Variants in HECW2 observed in about 807,000 individuals in gnomAD.
HECW2 encodes the protein HECT, C2 and WW domain containing E3 ubiquitin protein ligase 2.
HECW2 carries 61 observed loss-of-function variants against 175.2 expected under a neutral mutation model. The ratio of observed to expected loss-of-function variants is 0.35; its 90% CI spans 0.28 to 0.43. HECW2 has a LOEUF of 0.43. Among genes scored for constraint, HECW2 ranks in the 20% least tolerant of loss-of-function variants. The pLI is 1.00. For synonymous variants in HECW2, 671 were observed against 731.0 expected (o/e 0.92, Z 1.32); for missense variants, 1,524 against 2,000.5 (o/e 0.76, Z 4.54).
intron 1 of HECW2, among the ~76,000 whole-genome samples, chr2:196,516,876 C>A (rs1286945348): frequency 6.6e-6 from 1 of 152,196 alleles, no homozygotes; most frequent in African/African-American, 2.4e-5. Context: ...ATATCCCATT[C>A]CTCACAAGCT....
intron 1 of HECW2, among the ~76,000 whole-genome samples, chr2:196,473,059 T>C (rs961497886): frequency 3.3e-5 from 5 of 152,350 alleles, no homozygotes; most frequent in South Asian, 2.1e-4. Context: ...ACTCCCATAA[T>C]AGATAACTGA....
rs1015927154 is a variant in HECW2, at chr2:196,343,062, G to A, written c.400+595C>T. ...GTAATATTTGCATATATATGTAAAT[G>A]TGTATGTTTGTGTGTGTGTGTGTGT... On this transcript the variant is annotated intron_variant, in intron 3 of 28. Coordinates refer to ENST00000644978, the MANE Select transcript of HECW2 (RefSeq NM_001348768.2). 3.6e-5 allele frequency among the ~76,000 whole-genome samples: 5 copies of A among 138,996 alleles called. No homozygotes were observed. In the East Asian group the frequency reaches 7.8e-4, roughly 22 times the overall value. The allele number at this position is 138,996 out of a possible 152,430, so 91.2% of individuals were successfully genotyped here.
chr2:196,394,409 T>C (rs1049680524), intron 2 of HECW2, among the ~76,000 whole-genome samples: 4 of 152,344 alleles, frequency 2.6e-5, no homozygotes, highest in East Asian at 1.9e-4. Context: ...AGGTATAAGA[T>C]AGACCAATTA....
At chr2:196,292,506 C>A in intron 14 of HECW2, 59 bp downstream of exon 14, 1 of 1,476,502 alleles carries the variant, frequency 6.8e-7, no homozygotes, top group South Asian at 1.2e-5. Flanking sequence ...GGCCAAGTGT[C>A]GAAGCCACAA....
At chr2:196,223,393 A>C (rs961645298) in intron 23 of HECW2, among the ~76,000 whole-genome samples, 3 of 152,198 alleles carry the variant, frequency 2.0e-5, no homozygotes, top group Non-Finnish European at 4.4e-5. Flanking sequence ...GATGATGCCT[A>C]CATTAAATCT....
chr2:196,563,434 C>T (rs1177586649), intron 1 of HECW2, among the ~76,000 whole-genome samples: 3 of 151,950 alleles, frequency 2.0e-5, no homozygotes, highest in Admixed American at 6.6e-5. Flanking sequence ...GATGTGGTGG[C>T]GGACACCTGT....
intron 2 of HECW2, among the ~76,000 whole-genome samples, chr2:196,379,987 A>T (rs1694165114): frequency 6.6e-6 from 1 of 152,176 alleles, no homozygotes; most frequent in South Asian, 2.1e-4. Context: ...ATTTTGCTTA[A>T]ATCAATTATT....
chr2:196,298,776 T>TA (rs1213752216), intron 13 of HECW2, among the ~76,000 whole-genome samples: 1 of 152,144 alleles, frequency 6.6e-6, no homozygotes, highest in Non-Finnish European at 1.5e-5. Context: ...CTTCAAGTCA[T>TA]AAAAAAATAG....
At chr2:196,226,823 C>A (rs979937815) in intron 22 of HECW2, among the ~76,000 whole-genome samples, 8 of 152,178 alleles carry the variant, frequency 5.3e-5, no homozygotes, top group African/African-American at 1.9e-4. Context: ...TGCACATGGA[C>A]ATTTGGGGGA....
intron 19 of HECW2, among the ~76,000 whole-genome samples, chr2:196,253,715 A>C (rs935384891): frequency 6.6e-6 from 1 of 152,216 alleles, no homozygotes; most frequent in Admixed American, 6.5e-5. Context: ...CATACCACTA[A>C]TCCTCCTATT....
chr2:196,546,493 T>C (rs1279926038), intron 1 of HECW2, among the ~76,000 whole-genome samples: 1 of 152,154 alleles, frequency 6.6e-6, no homozygotes, highest in African/African-American at 2.4e-5. Flanking sequence ...TCAAGGAAGG[T>C]ATTGGAGAGA....
rs776912664 is a variant in HECW2, at chr2:196,320,412, G to A, written c.912C>T (p.Gly304=). 11 of 1,612,404 alleles carry A rather than the reference G, an allele frequency of 6.8e-6. No individual in the cohort carries two copies. The South Asian group carries it at 1.1e-4, about 16-fold the overall frequency. The change falls in exon 8 of 29, where the codon GGC becomes GGT. Residue 304 remains glycine (G), a synonymous_variant. Transcript: ENST00000644978. ...IGDQMLSYNL[G]RRLPADHVSG... is the part of the protein sequence containing the mutation. The stretch of plus-strand genomic sequence containing the variant: ...TCACGTGGTCAGCTGGGAGCCTTCT[G>A]CCAAGGTTGTAGCTGAGCATTTGAT...
At chr2:196,501,175 G>A (rs1687567064) in intron 1 of HECW2, among the ~76,000 whole-genome samples, 1 of 152,152 alleles carries the variant, frequency 6.6e-6, no homozygotes, top group African/African-American at 2.4e-5. Flanking sequence ...TATAAAAGGT[G>A]ACTAATATTT....
chr2:196,563,616 T>C (rs1433149441), intron 1 of HECW2, among the ~76,000 whole-genome samples: 4 of 151,864 alleles, frequency 2.6e-5, no homozygotes, highest in Non-Finnish European at 5.9e-5. Context: ...TGCAAGAAAG[T>C]GCTCAAAGAC....
chr2:196,472,590 T>A (rs1278585402), intron 1 of HECW2, among the ~76,000 whole-genome samples: 1 of 151,924 alleles, frequency 6.6e-6, no homozygotes, highest in East Asian at 1.9e-4. Flanking sequence ...ATAGTGGATC[T>A]CTGTAGGAGG....
intron 1 of HECW2, among the ~76,000 whole-genome samples, chr2:196,446,652 C>A (rs528866967): frequency 1.3e-5 from 2 of 152,308 alleles, no homozygotes; most frequent in East Asian, 3.9e-4. Context: ...TGGTTGTAAG[C>A]AGATGTTGCA....
rs551324503 is a variant in HECW2 at position 196,375,673 on chromosome 2, T to C, written c.293-31909A>G. 5.9e-5 allele frequency among the ~76,000 whole-genome samples: 9 copies of C among 152,308 alleles called. No individual in the cohort carries two copies. The East Asian group carries it at 1.5e-3, about 26-fold the overall frequency. On this transcript the variant is annotated intron_variant, in intron 2 of 28. Coordinates refer to ENST00000644978, the MANE Select transcript of HECW2 (RefSeq NM_001348768.2). ...ACACAACAGTGGAAAAAGATGTGGA[T>C]ATTGGTATCATGCAATGGCTAGGAA... is the stretch of plus-strand genomic sequence containing the variant.
At chr2:196,206,694 G>A (rs1687080663) in intron 28 of HECW2, among the ~76,000 whole-genome samples, 1 of 152,164 alleles carries the variant, frequency 6.6e-6, no homozygotes, top group African/African-American at 2.4e-5. Context: ...AAAATATACA[G>A]GCAAAAAGAC....
intron 2 of HECW2, among the ~76,000 whole-genome samples, chr2:196,429,244 G>GC (rs929718111): frequency 2.0e-5 from 3 of 151,656 alleles, no homozygotes; most frequent in Admixed American, 1.3e-4. Context: ...TGAGCCTGGG[G>GC]GGGGCCTACC....
Sources: gnomAD v4.1 joint callset for allele counts (sites outside exome capture counted in the v4.1 genomes callset) on GRCh38, gnomAD v4.1.1 for gene constraint, MANE v1.5 for transcripts, NCBI Gene and HGNC (gene_info 2026-07-23, HGNC 2026-07-21) for gene names.